Variants in RAPGEF4 observed in about 807,000 individuals in gnomAD.
The protein encoded by RAPGEF4 is Rap guanine nucleotide exchange factor 4.
RAPGEF4 carries 66 observed loss-of-function variants against 147.9 expected under a neutral mutation model. The ratio of observed to expected loss-of-function variants is 0.45; its 90% CI spans 0.37 to 0.55. The LOEUF (loss-of-function observed/expected upper bound fraction) is 0.55, where lower values mean the gene tolerates loss of function less well. Among genes scored for constraint, RAPGEF4 ranks in the 20% least tolerant of loss-of-function variants. The pLI, the probability that RAPGEF4 is intolerant of heterozygous loss-of-function variation, is 0.00. For synonymous variants in RAPGEF4, 419 were observed against 442.7 expected (o/e 0.95, Z 0.67); for missense variants, 1,071 against 1,257.3 (o/e 0.85, Z 2.24).
Position 173,042,179 on chromosome 2 carries a change from A to G in RAPGEF4, c.2853+5487A>G, listed in dbSNP as rs568829652. Among the ~76,000 whole-genome samples the G allele has an allele frequency of 6.6e-5, 10 of 152,358 alleles. No homozygotes were observed. The highest frequency in any genetic ancestry group is 2.2e-4 in the African/African-American group (9 of 41,590). ...CCAGCACCATAAAAATATCTGACGC[A>G]TTATTTCCCCAGCACCCATAAAAAT... On this transcript the variant is annotated intron_variant, in intron 29 of 30. Coordinates refer to ENST00000397081, the MANE Select transcript of RAPGEF4 (RefSeq NM_007023.4). The surrounding 1 kb of genome is among the most constrained non-coding windows in gnomAD (Gnocchi z 4.2).
chr2:172,850,604 C>A (rs192449824), intron 4 of RAPGEF4, among the ~76,000 whole-genome samples: 3 of 150,466 alleles, frequency 2.0e-5, no homozygotes, highest in Non-Finnish European at 4.4e-5. Flanking sequence ...GGCCACAGAG[C>A]GAGACTCTGT....
At chr2:172,827,408 C>G (rs1049430242) in intron 4 of RAPGEF4, among the ~76,000 whole-genome samples, 2 of 152,146 alleles carry the variant, frequency 1.3e-5, no homozygotes, top group Admixed American at 1.3e-4. Flanking sequence ...TTCAGTATTT[C>G]AGGTTCGCTT....
At chr2:172,855,485 CTGTT>C (rs1308453689) in intron 4 of RAPGEF4, among the ~76,000 whole-genome samples, 1 of 152,118 alleles carries the variant, frequency 6.6e-6, no homozygotes, top group Non-Finnish European at 1.5e-5. Context: ...GTGTGTCTGT[CTGTT>C]TTTCATATTT....
intron 3 of RAPGEF4, among the ~76,000 whole-genome samples, chr2:172,804,103 G>A (rs1324303383): frequency 1.3e-5 from 2 of 151,854 alleles, no homozygotes; most frequent in African/African-American, 4.8e-5. Context: ...CAGTATGAGT[G>A]ATTTGATGGA....
At position 172,988,345 on chromosome 2, in the gene RAPGEF4, T is replaced by A. The variant is rs536025409; in HGVS notation, c.1227+73T>A. 71 of 1,525,220 alleles carry A rather than the reference T, an allele frequency of 4.7e-5. No homozygotes were observed. The African/African-American group carries it at 9.5e-4, about 20-fold the overall frequency. 94.5% of individuals were successfully genotyped at this position (1,525,220 alleles called of 1,614,324 possible). ...AGTGTGGCTCTAAGTATTAGCAATG[T>A]AGTGCCACAATTAAATTTGCAACAA... On this transcript the variant is annotated intron_variant, in intron 13 of 30. Transcript: ENST00000397081.
chr2:173,035,678 A>C (rs1051012385), intron 27 of RAPGEF4, among the ~76,000 whole-genome samples: 2 of 152,140 alleles, frequency 1.3e-5, no homozygotes, highest in Admixed American at 1.3e-4. Context: ...ACTTTCCCCA[A>C]ATTTAACCAC....
chr2:173,006,260 T>A (rs139909780), intron 17 of RAPGEF4, among the ~76,000 whole-genome samples: 128 of 152,360 alleles, frequency 8.4e-4, no homozygotes, highest in African/African-American at 3.0e-3. Context: ...TGACTGGTCC[T>A]GAAGCTTACT....
chr2:172,812,158 T>A (rs529479424), intron 3 of RAPGEF4, among the ~76,000 whole-genome samples: 2 of 152,298 alleles, frequency 1.3e-5, no homozygotes, highest in Non-Finnish European at 2.9e-5. Context: ...ATCTTGTAAT[T>A]TGTGACTCCT....
intron 25 of RAPGEF4, among the ~76,000 whole-genome samples, chr2:173,027,722 T>C (rs1209643871): frequency 6.6e-6 from 1 of 152,206 alleles, no homozygotes; most frequent in Non-Finnish European, 1.5e-5. Context: ...GCTAACCTGG[T>C]ACATGAAAAT....
intron 4 of RAPGEF4, among the ~76,000 whole-genome samples, chr2:172,903,022 C>T (rs1039522209): frequency 1.4e-4 from 21 of 152,126 alleles, no homozygotes; most frequent in African/African-American, 4.3e-4. Flanking sequence ...AAGAAAGTCA[C>T]TGCAAACAAC....
intron 6 of RAPGEF4, among the ~76,000 whole-genome samples, chr2:172,950,644 T>C (rs1403413892): frequency 6.6e-6 from 1 of 152,240 alleles, no homozygotes; most frequent in Non-Finnish European, 1.5e-5. Flanking sequence ...TATTTGTGAA[T>C]ATTAAGTATA....
chr2:172,766,937 A>G (rs1696904080), intron 1 of RAPGEF4, among the ~76,000 whole-genome samples: 1 of 152,178 alleles, frequency 6.6e-6, no homozygotes, highest in Non-Finnish European at 1.5e-5. Flanking sequence ...GCTACAAGCA[A>G]TTGCAGCATT....
intron 23 of RAPGEF4, among the ~76,000 whole-genome samples, chr2:173,021,576 A>G (rs1559191621): frequency 6.6e-6 from 1 of 152,212 alleles, no homozygotes; most frequent in Non-Finnish European, 1.5e-5. Flanking sequence ...CAACAGAGCG[A>G]GACTCTGCCT....
chr2:172,736,088 G>A (rs1271978068), intron 1 of RAPGEF4, 40 bp downstream of exon 1: 1 of 1,419,428 alleles, frequency 7.0e-7, no homozygotes, highest in Admixed American at 2.7e-5. Context: ...CGAGCTCTGC[G>A]GTGCTGCCCG....
intron 4 of RAPGEF4, chr2:172,889,665 C>T (rs895408936): frequency 6.3e-6 from 1 of 159,042 alleles, no homozygotes; most frequent in Non-Finnish European, 1.3e-5. Flanking sequence ...TTCATTCTTT[C>T]TCATTCACTG....
At chr2:172,954,854 T>A (rs1317199248) in intron 6 of RAPGEF4, among the ~76,000 whole-genome samples, 1 of 152,234 alleles carries the variant, frequency 6.6e-6, no homozygotes, top group African/African-American at 2.4e-5. Flanking sequence ...CAGCATTTAT[T>A]AGATTCATAT....
intron 4 of RAPGEF4, among the ~76,000 whole-genome samples, chr2:172,908,267 T>C (rs917060786): frequency 3.9e-5 from 6 of 152,254 alleles, no homozygotes; most frequent in Non-Finnish European, 7.3e-5. Context: ...TCCTTTAAAC[T>C]ACTTGACATA....
At chr2:172,841,171 T>G (rs1575006418) in intron 4 of RAPGEF4, among the ~76,000 whole-genome samples, 1 of 152,192 alleles carries the variant, frequency 6.6e-6, no homozygotes, top group African/African-American at 2.4e-5. Flanking sequence ...GTTTGGCTGG[T>G]GGGGGCAGAT....
Position 173,048,354 on chromosome 2 carries a change from A to T in RAPGEF4, c.2854-246A>T, listed in dbSNP as rs1685760527. 3 of 740,090 alleles carry T rather than the reference A, an allele frequency of 4.1e-6. No homozygotes were observed. The East Asian group carries it at 1.2e-4, about 30-fold the overall frequency. The allele number at this position is 740,090 out of a possible 1,614,324, so 45.8% of individuals were successfully genotyped here. On this transcript the variant is annotated intron_variant, in intron 29 of 30. Transcript: ENST00000397081. Reference sequence around the variant, plus strand: ...AGATGTTTTTTACATCATGGGGAATATGCCAACAATTATGAGAGTTATGCC... The same window carrying T: ...AGATGTTTTTTACATCATGGGGAATTTGCCAACAATTATGAGAGTTATGCC...
Sources: gnomAD v4.1 joint callset for allele counts (sites outside exome capture counted in the v4.1 genomes callset) on GRCh38, gnomAD v4.1.1 for gene constraint, Gnocchi (gnomAD v3.1) non-coding constraint, MANE v1.5 for transcripts, NCBI Gene and HGNC (gene_info 2026-07-23, HGNC 2026-07-21) for gene names.